Variants in ETS1 observed in about 807,000 individuals in gnomAD.
The protein encoded by ETS1 is ETS proto-oncogene 1, transcription factor.
A neutral mutation model predicts 58.6 loss-of-function variants in ETS1; 15 were observed. The observed-to-expected ratio is 0.26, with a 90% CI of 0.17 to 0.39. The LOEUF (loss-of-function observed/expected upper bound fraction) is 0.39. Ranked by LOEUF, ETS1 falls within the 10% of genes least tolerant of loss-of-function variation. The pLI, the probability that ETS1 is intolerant of heterozygous loss-of-function variation, is 1.00. For missense variants in ETS1, 417 were observed against 610.5 expected (o/e 0.68, Z 3.34); for synonymous variants, 214 against 218.2 (o/e 0.98, Z 0.17).
chr11:128,558,165 T>C (rs1864343896), intron 2 of ETS1, among the ~76,000 whole-genome samples: 1 of 152,226 alleles, frequency 6.6e-6, no homozygotes, highest in South Asian at 2.1e-4. Context: ...ACTGAGGATG[T>C]AAGTGGGACT....
chr11:128,497,619 G>C (rs1440170431), intron 3 of ETS1: 1 of 983,322 alleles, frequency 1.0e-6, no homozygotes, highest in African/African-American at 1.7e-5. Context: ...TACATGGTAG[G>C]GAAGCAGGAA....
chr11:128,484,270 ACTGGTTCCAAAT>A (rs1377495354), intron 7 of ETS1, among the ~76,000 whole-genome samples: 2 of 152,208 alleles, frequency 1.3e-5, no homozygotes, highest in Non-Finnish European at 2.9e-5. Flanking sequence ...ACTGCTGATG[ACTGGTTCCAAAT>A]AAACCGTTGG....
At chr11:128,561,845 G>T (rs1864410401) in intron 2 of ETS1, among the ~76,000 whole-genome samples, 1 of 152,190 alleles carries the variant, frequency 6.6e-6, no homozygotes, top group African/African-American at 2.4e-5. Context: ...ATGGGAGAAG[G>T]CAGGAAAGAG....
intron 1 of ETS1, among the ~76,000 whole-genome samples, chr11:128,581,647 T>G (rs1018635192): frequency 6.6e-6 from 1 of 152,208 alleles, no homozygotes; most frequent in African/African-American, 2.4e-5. Context: ...AATAAGAGAT[T>G]GTTTTCCAAG....
chr11:128,475,281 C>A (rs1407661581), intron 8 of ETS1, among the ~76,000 whole-genome samples: 1 of 152,262 alleles, frequency 6.6e-6, no homozygotes, highest in South Asian at 2.1e-4. Flanking sequence ...GCTAATGCTG[C>A]CAAATCTCAG....
intron 8 of ETS1, among the ~76,000 whole-genome samples, chr11:128,465,788 A>G (rs1245299207): frequency 3.3e-5 from 5 of 152,212 alleles, no homozygotes; most frequent in Non-Finnish European, 7.3e-5. Context: ...GTGACGCTCT[A>G]CACTCGTTTC....
At chr11:128,543,485 T>G (rs1436832540) in intron 3 of ETS1, among the ~76,000 whole-genome samples, 2 of 152,160 alleles carry the variant, frequency 1.3e-5, no homozygotes, top group African/African-American at 2.4e-5. Flanking sequence ...CCAGTAACTA[T>G]GGGGGAGGTG....
rs145961272 is a variant in ETS1 at position 128,476,311 on chromosome 11, G to T, written c.1123+3880C>A. 8.1e-3 allele frequency among the ~76,000 whole-genome samples: 1,240 copies of T among 152,306 alleles called. 14 individuals carry two copies. The highest frequency in any genetic ancestry group is 0.028 in the African/African-American group (1,145 of 41,542). On this transcript the variant is annotated intron_variant, in intron 8 of 9. Transcript: ENST00000392668. ...CCTCCCACATACCCCTAACCCACAT[G>T]CATATAGTGTTCATTAGTGACAAGA...
At chr11:128,580,670 A>T (rs1252833773) in intron 1 of ETS1, among the ~76,000 whole-genome samples, 1 of 152,218 alleles carries the variant, frequency 6.6e-6, no homozygotes, top group Non-Finnish European at 1.5e-5. Context: ...GCACTGACAA[A>T]TGAAGGCTGT....
At chr11:128,575,429 T>C (rs1864725294) in intron 1 of ETS1, among the ~76,000 whole-genome samples, 1 of 152,240 alleles carries the variant, frequency 6.6e-6, no homozygotes, top group Admixed American at 6.5e-5. Context: ...AGTACGATTG[T>C]ATTTATCCAA....
intron 3 of ETS1, chr11:128,527,315 G>A (rs1863818853): frequency 5.2e-6 from 1 of 192,418 alleles, no homozygotes; most frequent in Non-Finnish European, 1.1e-5. Context: ...CCAACAATGT[G>A]GGGTGGATTG....
At chr11:128,572,948 C>A in intron 2 of ETS1, 114 bp downstream of exon 2, 2 of 731,020 alleles carry the variant, frequency 2.7e-6, no homozygotes, top group South Asian at 1.7e-5. Flanking sequence ...TGATTCGAAC[C>A]TTGGAGTTCA....
rs370533499 is a variant in ETS1, at chr11:128,579,536, CTGTAA to C, written c.-14-6397_-14-6393del. Among the ~76,000 whole-genome samples, 770 of 151,932 alleles carry C rather than the reference CTGTAA, an allele frequency of 5.1e-3. 5 individuals are homozygous for C. The highest frequency in any genetic ancestry group is 8.7e-3 in the Non-Finnish European group (594 of 67,968). On this transcript the variant is annotated intron_variant, in intron 1 of 9. Coordinates refer to ENST00000392668, the MANE Select transcript of ETS1 (RefSeq NM_001143820.2). The stretch of plus-strand genomic sequence containing the variant: ...ATTAGCCAGGTGTGGTGGTACATGC[CTGTAA>C]TCCCAGCTACTTGGGAGGCTGAGGC...
At chr11:128,573,375 G>A (rs962443273) in intron 1 of ETS1, among the ~76,000 whole-genome samples, 2 of 152,190 alleles carry the variant, frequency 1.3e-5, no homozygotes, top group African/African-American at 4.8e-5. Context: ...AGGTAACATG[G>A]ATAACAGACC....
At chr11:128,512,565 T>C (rs930180739) in intron 3 of ETS1, among the ~76,000 whole-genome samples, 1 of 152,214 alleles carries the variant, frequency 6.6e-6, no homozygotes, top group Non-Finnish European at 1.5e-5. Flanking sequence ...ATTTGTAGCT[T>C]CCGGGGTGGC....
At chr11:128,501,864 G>C (rs1405820920) in intron 3 of ETS1, among the ~76,000 whole-genome samples, 2 of 152,144 alleles carry the variant, frequency 1.3e-5, no homozygotes, top group Non-Finnish European at 2.9e-5. Context: ...ATATTCAGTT[G>C]GTCTCCCACT....
chr11:128,563,247 A>G (rs1450742350), intron 2 of ETS1, among the ~76,000 whole-genome samples: 8 of 152,204 alleles, frequency 5.3e-5, no homozygotes. Flanking sequence ...AAGACACTAT[A>G]CATATTTCTA....
chr11:128,482,312 C>T (rs1305513752), intron 7 of ETS1, among the ~76,000 whole-genome samples: 1 of 152,178 alleles, frequency 6.6e-6, no homozygotes, highest in Admixed American at 6.5e-5. Context: ...ATACCAGCTA[C>T]TGATCTTCAT....
chr11:128,552,045 G>A (rs11221347), intron 3 of ETS1, among the ~76,000 whole-genome samples: 1,683 of 152,160 alleles, frequency 0.011, 28 homozygotes, highest in African/African-American at 0.038. Context: ...TTTCTGCTTC[G>A]ATAAGTCTGG....
Sources: gnomAD v4.1 joint callset for allele counts (sites outside exome capture counted in the v4.1 genomes callset) on GRCh38, gnomAD v4.1.1 for gene constraint, MANE v1.5 for transcripts, NCBI Gene and HGNC (gene_info 2026-07-23, HGNC 2026-07-21) for gene names.